The following APLF variants were observed in gnomAD, a reference collection of about 807,000 sequenced individuals.
APLF encodes the protein aprataxin and PNKP like factor.
A neutral mutation model predicts 55.6 loss-of-function variants in APLF; 61 were observed. That is an observed-to-expected ratio of 1.10 (90% CI 0.89 to 1.36). The LOEUF (loss-of-function observed/expected upper bound fraction) is 1.36. Among genes scored for constraint, APLF ranks in the 40% most tolerant of loss-of-function variants. The pLI, the probability that APLF is intolerant of heterozygous loss-of-function variation, is 0.00. For missense variants in APLF, 611 were observed against 602.5 expected (o/e 1.01, Z -0.15); for synonymous variants, 207 against 214.8 (o/e 0.96, Z 0.32).
chr2:68,492,580 A>G (rs1163886116), intron 2 of APLF, among the ~76,000 whole-genome samples: 6 of 152,238 alleles, frequency 3.9e-5, no homozygotes, highest in South Asian at 2.1e-4. Flanking sequence ...AATTTTATCC[A>G]GTATGTACTG....
At chr2:68,541,799 A>C (rs1171918378) in intron 7 of APLF, among the ~76,000 whole-genome samples, 1 of 152,176 alleles carries the variant, frequency 6.6e-6, no homozygotes, top group Non-Finnish European at 1.5e-5. Context: ...AATAGAAAAA[A>C]TTATTCTAAA....
At chr2:68,549,479 G>T in intron 8 of APLF, among the ~76,000 whole-genome samples, 1 of 151,836 alleles carries the variant, frequency 6.6e-6, no homozygotes, top group Non-Finnish European at 1.5e-5. Context: ...TATCATTATT[G>T]ATTTATAATT....
rs927246403 is a variant in APLF at position 68,579,186 on chromosome 2, T to A, written c.*1164T>A. The A allele has an allele frequency of 1.3e-6, 1 of 762,840 alleles. No homozygotes were observed. Among genetic ancestry groups the A allele is most frequent in the African/African-American group, 1.9e-5 (1 of 52,736 alleles). The allele number at this position is 762,840 out of a possible 1,614,324, so 47.3% of individuals were successfully genotyped here. A position where few individuals can be genotyped will look rare whatever the true frequency, so the allele number is the denominator to read the frequency against. Reference sequence around the variant, plus strand: ...CATATTTATAATAATATTTTCTCATTGCTTTAAAATATATCTCCCAGTAAT... The same window carrying A: ...CATATTTATAATAATATTTTCTCATAGCTTTAAAATATATCTCCCAGTAAT... On this transcript the variant is annotated 3_prime_UTR_variant, in exon 10 of 10. Transcript: ENST00000303795.
chr2:68,469,008 GTGTGTGTGTGTGT>G (rs566320494), intron 1 of APLF, among the ~76,000 whole-genome samples: 2 of 147,670 alleles, frequency 1.4e-5, no homozygotes, highest in African/African-American at 5.4e-5. Context: ...GTGTGTGTGT[GTGTGTGTGTGTGT>G]TGTGTGTTGT....
chr2:68,560,532 A>G (rs777318846), intron 8 of APLF, among the ~76,000 whole-genome samples: 2 of 152,096 alleles, frequency 1.3e-5, no homozygotes, highest in Non-Finnish European at 2.9e-5. Flanking sequence ...TAAATAAGCT[A>G]TTACCTAAAC....
intron 9 of APLF, chr2:68,568,434 T>C: frequency 2.3e-6 from 1 of 439,982 alleles, no homozygotes; most frequent in Non-Finnish European, 3.0e-6. Flanking sequence ...GCTTTAGTAC[T>C]CCAGACATAA....
chr2:68,518,755 AAT>A (rs1669762311), intron 5 of APLF, among the ~76,000 whole-genome samples: 1 of 122,082 alleles, frequency 8.2e-6, no homozygotes, highest in African/African-American at 3.3e-5. Flanking sequence ...ATTAATATAT[AAT>A]AAAATATTAA....
intron 2 of APLF, among the ~76,000 whole-genome samples, chr2:68,500,328 T>C (rs1456653878): frequency 6.6e-6 from 1 of 152,240 alleles, no homozygotes; most frequent in Non-Finnish European, 1.5e-5. Context: ...ACCATACTCA[T>C]GGGTTCACTT....
At chr2:68,554,606 G>A (rs977246453) in intron 8 of APLF, among the ~76,000 whole-genome samples, 2 of 150,984 alleles carry the variant, frequency 1.3e-5, no homozygotes, top group African/African-American at 4.9e-5. Context: ...CCTTGTAGAA[G>A]AAACCACCTC....
intron 8 of APLF, 85 bp from the exon 9 acceptor site, chr2:68,567,256 T>C (rs138033559): frequency 5.7e-5 from 65 of 1,136,234 alleles, no homozygotes; most frequent in Non-Finnish European, 7.9e-5. Context: ...TATTTGTAAG[T>C]TAGTCAGTGT....
intron 9 of APLF, among the ~76,000 whole-genome samples, chr2:68,569,854 T>G (rs1224085206): frequency 6.6e-6 from 1 of 152,092 alleles, no homozygotes; most frequent in African/African-American, 2.4e-5. Context: ...ATAGTACACA[T>G]TATCAGGAGA....
intron 8 of APLF, among the ~76,000 whole-genome samples, chr2:68,551,072 T>C (rs999699775): frequency 6.6e-6 from 1 of 152,158 alleles, no homozygotes; most frequent in Non-Finnish European, 1.5e-5. Context: ...TTTTTGTGTG[T>C]CTGAAAGTGT....
chr2:68,559,345 G>A (rs6740605), intron 8 of APLF, among the ~76,000 whole-genome samples: 16,175 of 151,988 alleles, frequency 0.11, 1,107 homozygotes, highest in African/African-American at 0.19. Context: ...GCAGAGCCAC[G>A]GGGCTCAGTT....
chr2:68,559,890 C>T (rs1351345611), intron 8 of APLF, among the ~76,000 whole-genome samples: 1 of 152,144 alleles, frequency 6.6e-6, no homozygotes, highest in Non-Finnish European at 1.5e-5. Context: ...CTATAACAAA[C>T]TGTCATGGCT....
At chr2:68,577,250 T>C (rs1383972773) in intron 9 of APLF, among the ~76,000 whole-genome samples, 1 of 152,202 alleles carries the variant, frequency 6.6e-6, no homozygotes, top group East Asian at 1.9e-4. Flanking sequence ...AATACACTTA[T>C]TTAAGTGTAT....
chr2:68,528,693 G>T lies in APLF; in HGVS notation c.804+2451G>T. 9.9e-6 allele frequency: 15 copies of T among 1,511,878 alleles called. 1 individual carries two copies. In the Middle Eastern group the frequency reaches 6.9e-4, roughly 70 times the overall value. 93.7% of individuals were successfully genotyped at this position (1,511,878 alleles called of 1,614,324 possible). On this transcript the variant is annotated intron_variant, in intron 6 of 9. Transcript: ENST00000303795. ...ACTGGGGCAGGGAGCACTGTTGGAAGTGGGTCAGGCTTCCCAAAGGGAAGG... is the reference window on the plus strand; with the variant it reads ...ACTGGGGCAGGGAGCACTGTTGGAATTGGGTCAGGCTTCCCAAAGGGAAGG...
chr2:68,474,108 G>C (rs779649458), intron 1 of APLF, among the ~76,000 whole-genome samples: 6 of 152,214 alleles, frequency 3.9e-5, no homozygotes, highest in Non-Finnish European at 8.8e-5. Flanking sequence ...AAAGGATACA[G>C]ATGAGGAGAT....
At chr2:68,477,375 T>A (rs1363385957) in intron 1 of APLF, among the ~76,000 whole-genome samples, 1 of 152,174 alleles carries the variant, frequency 6.6e-6, no homozygotes, top group African/African-American at 2.4e-5. Context: ...GGCTCATGCC[T>A]GTAATCCTAG....
At chr2:68,479,348 T>G (rs530422229) in intron 1 of APLF, among the ~76,000 whole-genome samples, 17 of 152,342 alleles carry the variant, frequency 1.1e-4, no homozygotes, top group African/African-American at 4.1e-4. Context: ...GTCCAGATGA[T>G]ATGCATGACT....
Sources: gnomAD v4.1 joint callset for allele counts (sites outside exome capture counted in the v4.1 genomes callset) on GRCh38, gnomAD v4.1.1 for gene constraint, MANE v1.5 for transcripts, NCBI Gene and HGNC (gene_info 2026-07-23, HGNC 2026-07-21) for gene names.